Variants in SLC30A6 observed in about 807,000 individuals in gnomAD.
The protein encoded by SLC30A6 is solute carrier family 30 member 6.
Under a neutral mutation model 63.0 loss-of-function variants are expected in SLC30A6, and 55 were observed. The ratio of observed to expected loss-of-function variants is 0.87; its 90% CI spans 0.70 to 1.09. SLC30A6 has a LOEUF of 1.09. Among genes scored for constraint, SLC30A6 ranks in the 50% least tolerant of loss-of-function variants. The pLI is 0.00. For synonymous variants in SLC30A6, 224 were observed against 186.1 expected (o/e 1.20, Z -1.66); for missense variants, 587 against 549.2 (o/e 1.07, Z -0.69).
At chr2:32,193,248 A>T (rs879263971) in intron 7 of SLC30A6, among the ~76,000 whole-genome samples, 1 of 152,028 alleles carries the variant, frequency 6.6e-6, no homozygotes, top group South Asian at 2.1e-4. Context: ...TGTAATTTCA[A>T]ATTTGACCTT....
At chr2:32,204,304 C>CA (rs1041405216) in intron 10 of SLC30A6, among the ~76,000 whole-genome samples, 1 of 152,088 alleles carries the variant, frequency 6.6e-6, no homozygotes, top group South Asian at 2.1e-4. Context: ...GATAGTTTGA[C>CA]AAAAAAATGC....
chr2:32,187,962 C>T (rs1399313286), intron 5 of SLC30A6, among the ~76,000 whole-genome samples: 1 of 152,158 alleles, frequency 6.6e-6, no homozygotes, highest in East Asian at 1.9e-4. Context: ...TCTTTTTAAA[C>T]CTGTATCATA....
At chr2:32,208,793 C>T (rs1234269148) in intron 12 of SLC30A6, among the ~76,000 whole-genome samples, 2 of 152,096 alleles carry the variant, frequency 1.3e-5, no homozygotes, top group African/African-American at 4.8e-5. Flanking sequence ...GAATTGCAGA[C>T]ATGAGCCACC....
chr2:32,214,765 G>T lies in SLC30A6; in HGVS notation c.885+5204G>T, dbSNP rs181259256. ...ATTAACGCATGCACTGTAATTATAG[G>T]AGACTTTTCAAGTTCATACTCTGAA... is the stretch of plus-strand genomic sequence containing the variant. On this transcript the variant is annotated intron_variant, in intron 13 of 13. Transcript: ENST00000282587. Among the ~76,000 whole-genome samples, 30 of 152,222 alleles carry T rather than the reference G, an allele frequency of 2.0e-4. No homozygotes were observed. The East Asian group carries it at 5.6e-3, about 28-fold the overall frequency.
chr2:32,211,786 T>C (rs897037661), intron 13 of SLC30A6, among the ~76,000 whole-genome samples: 3 of 151,786 alleles, frequency 2.0e-5, no homozygotes, highest in African/African-American at 7.3e-5. Flanking sequence ...CCCAGCTAAT[T>C]TTTGTTTTTT....
chr2:32,174,202 T>C (rs1041613698), intron 3 of SLC30A6, 55 bp downstream of exon 3: 6 of 1,343,372 alleles, frequency 4.5e-6, no homozygotes, highest in African/African-American at 4.4e-5. Context: ...ATTTTTCTCA[T>C]TGGAAATAAA....
chr2:32,175,293 T>C (rs774051497), intron 3 of SLC30A6, 26 bp from the exon 4 acceptor site: 6 of 1,606,740 alleles, frequency 3.7e-6, no homozygotes, highest in Non-Finnish European at 4.3e-6. Flanking sequence ...AGTAATACTT[T>C]TAATCATTTT....
intron 13 of SLC30A6, among the ~76,000 whole-genome samples, chr2:32,211,351 T>G (rs1202538592): frequency 1.3e-5 from 2 of 152,242 alleles, no homozygotes; most frequent in Non-Finnish European, 2.9e-5. Context: ...TAATTAAAAA[T>G]TAGTTTGATT....
At chr2:32,183,298 C>T (rs1306902849) in intron 4 of SLC30A6, among the ~76,000 whole-genome samples, 1 of 152,008 alleles carries the variant, frequency 6.6e-6, no homozygotes. Flanking sequence ...CTCTTGTCTC[C>T]CTGCTTCATG....
intron 5 of SLC30A6, among the ~76,000 whole-genome samples, chr2:32,190,309 A>C (rs1464859507): frequency 6.6e-6 from 1 of 152,018 alleles, no homozygotes; most frequent in African/African-American, 2.4e-5. Flanking sequence ...AAATACTAAA[A>C]TTAGCCACAC....
chr2:32,176,969 C>T (rs551879200), intron 4 of SLC30A6, among the ~76,000 whole-genome samples: 24 of 151,510 alleles, frequency 1.6e-4, no homozygotes, highest in Middle Eastern at 3.4e-3. Flanking sequence ...GACGGGGTGT[C>T]GCCATGTTGG....
chr2:32,200,256 A>C (rs886553656), intron 10 of SLC30A6, among the ~76,000 whole-genome samples: 3 of 151,792 alleles, frequency 2.0e-5, no homozygotes, highest in African/African-American at 7.3e-5. Flanking sequence ...ATTCTTATCC[A>C]TTGCTAGTTA....
intron 13 of SLC30A6, among the ~76,000 whole-genome samples, chr2:32,212,986 G>A (rs1438624816): frequency 6.8e-6 from 1 of 147,928 alleles, no homozygotes; most frequent in Non-Finnish European, 1.5e-5. Context: ...GCTCACTGCA[G>A]TCTCAAATGT....
At chr2:32,203,114 T>C in intron 10 of SLC30A6, 1 of 1,307,982 alleles carries the variant, frequency 7.6e-7, no homozygotes, top group South Asian at 1.2e-5. Context: ...GAGAAGGTAG[T>C]TTTAAAGTTT....
chr2:32,195,164 A>G lies in SLC30A6; in HGVS notation c.496+1181A>G, dbSNP rs183361874. ...GCCCAGGCTGGAGTGCAGTGGCGCA[A>G]TCTTGGCTCACTGCAACCTCTGCCT... On this transcript the variant is annotated intron_variant, in intron 8 of 13. Transcript: ENST00000282587. Among the ~76,000 whole-genome samples the G allele has an allele frequency of 5.7e-3, 855 of 149,042 alleles. 6 individuals are homozygous for G. The highest frequency in any genetic ancestry group is 7.9e-3 in the Non-Finnish European group (534 of 67,746).
Position 32,184,279 on chromosome 2 carries a change from G to T in SLC30A6, c.225G>T (p.Met75Ile). The change falls in exon 5 of 14, where the codon ATG becomes ATT. Residue 75 changes from methionine (M) to isoleucine (I), a missense_variant. Transcript: ENST00000282587. The stretch of plus-strand genomic sequence containing the variant: ...TATTTTTCTTTTTACTTAGTTTAAT[G>T]ACATGTTTAATAAGTTACTGGGTAA... ...YLTIFDLFSL[M>I]TCLISYWVTL... 2.6e-6 allele frequency: 4 copies of T among 1,528,218 alleles called. No individual in the cohort carries two copies. The highest frequency in any genetic ancestry group is 2.6e-5 in the South Asian group (2 of 77,456). 94.7% of individuals were successfully genotyped at this position (1,528,218 alleles called of 1,614,324 possible). A position where few individuals can be genotyped will look rare whatever the true frequency, so the allele number is the denominator to read the frequency against.
intron 13 of SLC30A6, among the ~76,000 whole-genome samples, chr2:32,218,811 C>T (rs1013388119): frequency 5.9e-5 from 9 of 152,118 alleles, no homozygotes; most frequent in African/African-American, 2.2e-4. Context: ...CCTGCCTTGG[C>T]CTCCCAAAGT....
Position 32,184,299 on chromosome 2 carries a change from G to T in SLC30A6, c.245G>T (p.Trp82Leu). The change falls in exon 5 of 14, where the codon TGG (tryptophan) becomes TTG (leucine). Residue 82 changes from tryptophan to leucine, a missense_variant. Physicochemically the swap from Trp to Leu is moderately conservative, Grantham distance 61 (BLOSUM62 -2). Coordinates refer to ENST00000282587, the MANE Select transcript of SLC30A6 (RefSeq NM_017964.5). ...FSLMTCLISY[W>L]VTLRKPSPVY... is the part of the protein sequence containing the mutation. ...TTAATGACATGTTTAATAAGTTACT[G>T]GGTAACATTGAGGAAACCTAGCCCT... is the stretch of plus-strand genomic sequence containing the variant. 1 of 1,551,750 alleles carries T rather than the reference G, an allele frequency of 6.4e-7. No individual in the cohort carries two copies. The highest frequency in any genetic ancestry group is 8.7e-7 in the Non-Finnish European group (1 of 1,145,470).
intron 5 of SLC30A6, among the ~76,000 whole-genome samples, chr2:32,191,104 C>T (rs978228803): frequency 6.6e-5 from 10 of 152,154 alleles, no homozygotes; most frequent in African/African-American, 2.4e-4. Context: ...CTTCCAGCTT[C>T]GTTCTTCTTC....
Sources: gnomAD v4.1 joint callset for allele counts (sites outside exome capture counted in the v4.1 genomes callset) on GRCh38, gnomAD v4.1.1 for gene constraint, MANE v1.5 for transcripts, NCBI Gene and HGNC (gene_info 2026-07-23, HGNC 2026-07-21) for gene names.